Variants in FRRS1L observed in about 807,000 individuals in gnomAD.
FRRS1L encodes the protein ferric chelate reductase 1 like.
In FRRS1L, 22 loss-of-function variants were observed where a neutral mutation model predicts 28.6. The ratio of observed to expected loss-of-function variants is 0.77; its 90% CI spans 0.55 to 1.10. The LOEUF is 1.10. Among genes scored for constraint, FRRS1L ranks in the 50% least tolerant of loss-of-function variants. The probability of loss-of-function intolerance (pLI) is 0.00; values close to 1 mark genes in which losing one functional copy is unlikely to be tolerated. For synonymous variants in FRRS1L, 158 were observed against 151.4 expected (o/e 1.04, Z -0.32); for missense variants, 380 against 386.9 (o/e 0.98, Z 0.15).
Position 109,133,933 on chromosome 9 carries a change from C to T in FRRS1L, c.*3522G>A, listed in dbSNP as rs529714136. ...GGAATTATCACTTCAGCATGTCTAT[C>T]GACTGCTAGTTCTCTGAGATAATGG... On this transcript the variant is annotated 3_prime_UTR_variant, in exon 5 of 5. Coordinates refer to ENST00000561981, the MANE Select transcript of FRRS1L (RefSeq NM_014334.4). 3.3e-5 allele frequency: 5 copies of T among 152,254 alleles called. No individual in the cohort carries two copies. Among genetic ancestry groups the T allele is most frequent in the African/African-American group, 4.8e-5 (2 of 41,554 alleles). The allele number at this position is 152,254 out of a possible 1,614,324, so 9.4% of individuals were successfully genotyped here. A position where few individuals can be genotyped will look rare whatever the true frequency, so the allele number is the denominator to read the frequency against.
Position 109,147,418 on chromosome 9 carries a change from C to G in FRRS1L, c.324-229G>C, listed in dbSNP as rs1047543949. 3.2e-5 allele frequency: 15 copies of G among 475,554 alleles called. No individual in the cohort carries two copies. The East Asian group carries it at 4.9e-4, about 15-fold the overall frequency. The allele number at this position is 475,554 out of a possible 1,614,324, so 29.5% of individuals were successfully genotyped here. A position where few individuals can be genotyped will look rare whatever the true frequency, so the allele number is the denominator to read the frequency against. ...GTCCTGAGATGGGAAGGGGCTTGCC[C>G]GAGGTTGTATAGTGAAGTCAGCGGT... On this transcript the variant is annotated intron_variant, in intron 2 of 4. Coordinates refer to ENST00000561981, the MANE Select transcript of FRRS1L (RefSeq NM_014334.4).
intron 3 of FRRS1L, among the ~76,000 whole-genome samples, chr9:109,145,390 T>A (rs1296108516): frequency 6.6e-6 from 1 of 152,120 alleles, no homozygotes; most frequent in Non-Finnish European, 1.5e-5. Flanking sequence ...ATGCCTTTTA[T>A]AATGAAGCCT....
chr9:109,142,593 C>G (rs1213011793), intron 3 of FRRS1L, among the ~76,000 whole-genome samples: 2 of 152,090 alleles, frequency 1.3e-5, no homozygotes, highest in Non-Finnish European at 2.9e-5. Context: ...ACAGGAGGAT[C>G]ATTTGAGCCC....
chr9:109,141,691 C>T, intron 3 of FRRS1L, 102 bp from the exon 4 acceptor site: 3 of 1,323,992 alleles, frequency 2.3e-6, no homozygotes, highest in South Asian at 2.9e-5. Flanking sequence ...TTTGAAATCC[C>T]ACCAAAAAAA....
chr9:109,136,286 C>G lies in FRRS1L; in HGVS notation c.*1169G>C, dbSNP rs1200637090. On this transcript the variant is annotated 3_prime_UTR_variant, in exon 5 of 5. Coordinates refer to ENST00000561981, the MANE Select transcript of FRRS1L (RefSeq NM_014334.4). The stretch of plus-strand genomic sequence containing the variant: ...CACACTTAAGGTATGCTGGCTCTGA[C>G]AAGAGAATTCACTGTAACCACAGAT... 1 of 149,598 alleles carries G rather than the reference C, an allele frequency of 6.7e-6. No homozygotes were observed. The highest frequency in any genetic ancestry group is 1.5e-5 in the Non-Finnish European group (1 of 67,646). 9.3% of individuals were successfully genotyped at this position (149,598 alleles called of 1,614,324 possible). A position where few individuals can be genotyped will look rare whatever the true frequency, so the allele number is the denominator to read the frequency against.
In FRRS1L at chr9:109,140,950, T is replaced by G. The variant is rs536271810; in HGVS notation, c.709+393A>C. The G allele has an allele frequency of 4.0e-5, 8 of 202,364 alleles. No homozygotes were observed. The Admixed American group carries it at 4.2e-4, about 11-fold the overall frequency. 12.5% of individuals were successfully genotyped at this position (202,364 alleles called of 1,614,324 possible). On this transcript the variant is annotated intron_variant, in intron 4 of 4. Coordinates refer to ENST00000561981, the MANE Select transcript of FRRS1L (RefSeq NM_014334.4). ...CTTCTACTAATTAGTTGTATAGCCT[T>G]GACCAAGTTTCTTAATCTCTCTAAA...
At chr9:109,147,476 C>A (rs1427271148) in intron 2 of FRRS1L, 1 of 324,304 alleles carries the variant, frequency 3.1e-6, no homozygotes, top group Non-Finnish European at 5.6e-6. Flanking sequence ...TATCTAAACT[C>A]CCAGCCAGTG....
Position 109,135,272 on chromosome 9 carries a change from A to G in FRRS1L, c.*2183T>C, listed in dbSNP as rs768215178. 7.2e-5 allele frequency: 11 copies of G among 152,214 alleles called. No individual in the cohort carries two copies. Among genetic ancestry groups the G allele is most frequent in the Admixed American group, 7.2e-4 (11 of 15,280 alleles). 9.4% of individuals were successfully genotyped at this position (152,214 alleles called of 1,614,324 possible). A position where few individuals can be genotyped will look rare whatever the true frequency, so the allele number is the denominator to read the frequency against. ...CAAGGGCAAGCCAGAGAACTCTAGA[A>G]TGCCAGAGTGGAAATGTCTCAGCAG... On this transcript the variant is annotated 3_prime_UTR_variant, in exon 5 of 5. Transcript: ENST00000561981.
Position 109,137,248 on chromosome 9 carries a change from G to A in FRRS1L, c.*207C>T. Reference sequence around the variant, plus strand: ...ATATGTGAAAGTGCTTAGAAAAGGTGTAAGTATGTTCCAAAAGTATAGGGT... The same window carrying A: ...ATATGTGAAAGTGCTTAGAAAAGGTATAAGTATGTTCCAAAAGTATAGGGT... On this transcript the variant is annotated 3_prime_UTR_variant, in exon 5 of 5. Coordinates refer to ENST00000561981, the MANE Select transcript of FRRS1L (RefSeq NM_014334.4). The A allele has an allele frequency of 3.0e-6, 1 of 336,196 alleles. No individual in the cohort carries two copies. The highest frequency in any genetic ancestry group is 4.4e-5 in the East Asian group (1 of 22,492). 20.8% of individuals were successfully genotyped at this position (336,196 alleles called of 1,614,324 possible).
rs370119223 is a variant in FRRS1L, at chr9:109,132,829, G to A, written c.*4626C>T. 8 of 152,274 alleles carry A rather than the reference G, an allele frequency of 5.3e-5. No homozygotes were observed. Among genetic ancestry groups the A allele is most frequent in the Admixed American group, 2.0e-4 (3 of 15,304 alleles). 9.4% of individuals were successfully genotyped at this position (152,274 alleles called of 1,614,324 possible). On this transcript the variant is annotated 3_prime_UTR_variant, in exon 5 of 5. Transcript: ENST00000561981. ...GTCAATTAAGTTTTATTGGAACATA[G>A]CCATGCTCATTCATTTATGTATTGT... is the stretch of plus-strand genomic sequence containing the variant.
intron 3 of FRRS1L, 84 bp from the exon 4 acceptor site, chr9:109,141,673 C>A: frequency 1.4e-6 from 2 of 1,426,134 alleles, no homozygotes; most frequent in South Asian, 2.7e-5. Flanking sequence ...ATTCCATCAT[C>A]TCTGCAATTT....
chr9:109,141,900 A>T lies in FRRS1L; in HGVS notation c.463-311T>A, dbSNP rs10979703. ...TGAAGGTCATTCTACAAAAAAAATT[A>T]AAAAAATACCTAGCCTATAATCTTC... On this transcript the variant is annotated intron_variant, in intron 3 of 4. Transcript: ENST00000561981. 0.02 allele frequency among the ~76,000 whole-genome samples: 2,746 copies of T among 136,224 alleles called. 48 individuals are homozygous for T. Among genetic ancestry groups the T allele is most frequent in the East Asian group, 0.12 (491 of 4,060 alleles). The allele number at this position is 136,224 out of a possible 152,430, so 89.4% of individuals were successfully genotyped here.
At chr9:109,144,329 C>G (rs1831226938) in intron 3 of FRRS1L, among the ~76,000 whole-genome samples, 1 of 152,160 alleles carries the variant, frequency 6.6e-6, no homozygotes, top group Non-Finnish European at 1.5e-5. Flanking sequence ...GACACACCTA[C>G]AACCCATATA....
At chr9:109,153,031 C>G (rs533254598) in intron 1 of FRRS1L, among the ~76,000 whole-genome samples, 30 of 152,104 alleles carry the variant, frequency 2.0e-4, no homozygotes, top group East Asian at 5.8e-4. Flanking sequence ...CTTGGACATG[C>G]CTTTAATAAC....
At chr9:109,160,266 CT>C (rs892445904) in intron 1 of FRRS1L, among the ~76,000 whole-genome samples, 1 of 152,180 alleles carries the variant, frequency 6.6e-6, no homozygotes, top group Non-Finnish European at 1.5e-5. Context: ...GTTCCTCCGC[CT>C]CCCAAAAGCT....
At chr9:109,159,780 C>A (rs1831458429) in intron 1 of FRRS1L, among the ~76,000 whole-genome samples, 1 of 152,210 alleles carries the variant, frequency 6.6e-6, no homozygotes, top group African/African-American at 2.4e-5. Context: ...AAAAGAGTGA[C>A]CTCCACCAAC....
At chr9:109,142,179 T>C (rs756082098) in intron 3 of FRRS1L, among the ~76,000 whole-genome samples, 11 of 152,146 alleles carry the variant, frequency 7.2e-5, no homozygotes, top group Non-Finnish European at 1.2e-4. Context: ...AAAGAGAACA[T>C]TCTTGATTTT....
Position 109,141,512 on chromosome 9 carries a change from C to T in FRRS1L, c.540G>A (p.Gln180=). 6.2e-7 allele frequency: 1 copy of T among 1,614,126 alleles called. No individual in the cohort carries two copies. The highest frequency in any genetic ancestry group is 8.5e-7 in the Non-Finnish European group (1 of 1,180,024). The change falls in exon 4 of 5, where the codon CAG becomes CAA. Residue 180 remains glutamine, a synonymous_variant. Transcript: ENST00000561981. ...VRIQHFYNVG[Q]WAKEIQRNPA... The stretch of plus-strand genomic sequence containing the variant: ...GGTTTCTCTGAATCTCCTTTGCCCA[C>T]TGGCCTACATTATAGAAGTGCTGTA...
intron 3 of FRRS1L, among the ~76,000 whole-genome samples, chr9:109,141,957 GAA>G: frequency 9.2e-6 from 1 of 108,240 alleles, no homozygotes; most frequent in African/African-American, 3.2e-5. Context: ...ACCAAAAAAA[GAA>G]AAAAAAAAAA....
Sources: allele counts gnomAD v4.1 joint callset (sites outside exome capture counted in the v4.1 genomes callset), GRCh38; gene constraint gnomAD v4.1.1; transcripts MANE v1.5; gene names NCBI Gene and HGNC (gene_info 2026-07-23, HGNC 2026-07-21).